The following SEPTIN1 variants were observed in gnomAD, a reference collection of about 807,000 sequenced individuals.
The protein encoded by SEPTIN1 is septin-1.
Under a neutral mutation model 50.7 loss-of-function variants are expected in SEPTIN1, and 52 were observed. That is an observed-to-expected ratio of 1.03 (90% confidence interval 0.82 to 1.29). The LOEUF is 1.29. Ranked by LOEUF, SEPTIN1 falls within the 50% of genes most tolerant of loss-of-function variation. SEPTIN1 has a pLI of 0.00. For synonymous variants in SEPTIN1, 204 were observed against 189.1 expected (o/e 1.08, Z -0.65); for missense variants, 455 against 490.7 (o/e 0.93, Z 0.69).
rs1597002058 is a variant in SEPTIN1 at position 30,378,842 on chromosome 16, T to TGCGGAGAGAG, written c.942-143_942-142insCTCTCTCCGC. 20 of 251,210 alleles carry TGCGGAGAGAG rather than the reference T, an allele frequency of 8.0e-5. No homozygotes were observed. In the East Asian group the frequency reaches 2.1e-3, roughly 26 times the overall value. 15.6% of individuals were successfully genotyped at this position (251,210 alleles called of 1,614,324 possible). Reference sequence around the variant, plus strand: ...AGGTTAGGGCCGGAGGCAAAGCGGGTGGGGAGAGAGGGGGAGAGAGGGAGA... The same window carrying TGCGGAGAGAG: ...AGGTTAGGGCCGGAGGCAAAGCGGGTGCGGAGAGAGGGGGAGAGAGGGGGAGAGAGGGAGA... On this transcript the variant is annotated intron_variant, in intron 9 of 10. Coordinates refer to ENST00000321367, the MANE Select transcript of SEPTIN1 (RefSeq NM_001365977.2).
chr16:30,379,434 C>A lies in SEPTIN1; in HGVS notation c.775+1G>T. The A allele has an allele frequency of 6.2e-7, 1 of 1,613,142 alleles. No homozygotes were observed. Among genetic ancestry groups the A allele is most frequent in the Non-Finnish European group, 8.5e-7 (1 of 1,179,290 alleles). On this transcript the variant is annotated splice_donor_variant, in intron 8 of 10. Coordinates refer to ENST00000321367, the MANE Select transcript of SEPTIN1 (RefSeq NM_001365977.2). LOFTEE classifies it high-confidence loss of function. ...TAGGACCCCTGCCTGGCCTCACTCACCCTCCACGGTCCCCCAGGAGTAGCG... is the reference window on the plus strand; with the variant it reads ...TAGGACCCCTGCCTGGCCTCACTCAACCTCCACGGTCCCCCAGGAGTAGCG...
In SEPTIN1 at chr16:30,381,262, T is replaced by TCA; in HGVS notation, c.456-20_456-19dup. 1 of 1,613,338 alleles carries TCA rather than the reference T, an allele frequency of 6.2e-7. No individual in the cohort carries two copies. Among genetic ancestry groups the TCA allele is most frequent in the Non-Finnish European group, 8.5e-7 (1 of 1,179,502 alleles). On this transcript the variant is annotated intron_variant, in intron 5 of 10. Transcript: ENST00000321367. The surrounding 1 kb of genome is among the most constrained non-coding windows in gnomAD (Gnocchi z 4.3). ...GCCGGAGCCTGCACCCAGGGATTGG[T>TCA]CATTGCCCAGCCTCAGGGGGCAGAG...
rs1246698502 is a variant in SEPTIN1, at chr16:30,378,474, T to G, written c.1079A>C (p.Gln360Pro). ...CTGCTCGCCCTGGGCCTGGCTCTGC[T>G]GCATTTGGGCCTGCATCTTCTCCAG... ...EMLEKMQAQM[Q>P]QSQAQGEQSD... Residue 360 changes from glutamine to proline, a missense_variant, in exon 11 of 11, where the codon CAG becomes CCG. Coordinates refer to ENST00000321367, the MANE Select transcript of SEPTIN1 (RefSeq NM_001365977.2). 6.3e-7 allele frequency: 1 copy of G among 1,575,494 alleles called. No homozygotes were observed. Among genetic ancestry groups the G allele is most frequent in the Admixed American group, 1.9e-5 (1 of 52,290 alleles).
At position 30,381,505 on chromosome 16, in the gene SEPTIN1, A is replaced by G; in HGVS notation, c.321-32T>C. On this transcript the variant is annotated intron_variant, in intron 4 of 10. Coordinates refer to ENST00000321367, the MANE Select transcript of SEPTIN1 (RefSeq NM_001365977.2). The surrounding 1 kb of genome is among the most constrained non-coding windows in gnomAD (Gnocchi z 4.3). ...GTGGGGAGAGGATGTGAGGTCAGAGATCAAAGGCCAGAGGGCAGGGGGCAA... is the reference window on the plus strand; with the variant it reads ...GTGGGGAGAGGATGTGAGGTCAGAGGTCAAAGGCCAGAGGGCAGGGGGCAA... 6.2e-7 allele frequency: 1 copy of G among 1,613,136 alleles called. No homozygotes were observed. Among genetic ancestry groups the G allele is most frequent in the Non-Finnish European group, 8.5e-7 (1 of 1,179,538 alleles).
In SEPTIN1 at chr16:30,378,602, G is replaced by C; in HGVS notation, c.1032+8C>G. 1 of 1,611,504 alleles carries C rather than the reference G, an allele frequency of 6.2e-7. No individual in the cohort carries two copies. On this transcript the variant is annotated splice_region_variant and intron_variant, in intron 10 of 10. Coordinates refer to ENST00000321367, the MANE Select transcript of SEPTIN1 (RefSeq NM_001365977.2). Reference sequence around the variant, plus strand: ...CATCGGTCGGGGGGAAGCGAGGTGCGTGCTCACCTCTTCGTCTTTCTCGCG... The same window carrying C: ...CATCGGTCGGGGGGAAGCGAGGTGCCTGCTCACCTCTTCGTCTTTCTCGCG...
intron 10 of SEPTIN1, 42 bp downstream of exon 10, chr16:30,378,568 G>C (rs1032914191): frequency 1.9e-6 from 3 of 1,608,486 alleles, no homozygotes; most frequent in Non-Finnish European, 2.5e-6. Context: ...GCCAGAGGGG[G>C]ACCTGGGGCA....
rs1364219321 is a variant in SEPTIN1 at position 30,381,087 on chromosome 16, G to A, written c.573+40C>T. ...GAAGTCTAAGCTGAAATCAGGTTTG[G>A]CTTCACATGGGGTCAAAGGTCAGAG... On this transcript the variant is annotated intron_variant, in intron 6 of 10. Transcript: ENST00000321367. This position sits in a 1 kb window ranked among gnomAD's most constrained non-coding sequence, Gnocchi z 4.3. 3.4e-6 allele frequency: 5 copies of A among 1,486,136 alleles called. No individual in the cohort carries two copies. Among genetic ancestry groups the A allele is most frequent in the Non-Finnish European group, 4.7e-6 (5 of 1,063,016 alleles). The allele number at this position is 1,486,136 out of a possible 1,614,324, so 92.1% of individuals were successfully genotyped here. A position where few individuals can be genotyped will look rare whatever the true frequency, so the allele number is the denominator to read the frequency against.
chr16:30,381,638 A>G lies in SEPTIN1; in HGVS notation c.320+122T>C. On this transcript the variant is annotated intron_variant, in intron 4 of 10. Transcript: ENST00000321367. This position sits in a 1 kb window ranked among gnomAD's most constrained non-coding sequence, Gnocchi z 4.3. Reference sequence around the variant, plus strand: ...GAGTCATCAAGAAGCACAGGGACCCAGTGGCCCTCTGAAACAGACACCACC... The same window carrying G: ...GAGTCATCAAGAAGCACAGGGACCCGGTGGCCCTCTGAAACAGACACCACC... The G allele has an allele frequency of 6.7e-7, 1 of 1,501,052 alleles. No individual in the cohort carries two copies. The highest frequency in any genetic ancestry group is 9.1e-7 in the Non-Finnish European group (1 of 1,104,788). The allele number at this position is 1,501,052 out of a possible 1,614,324, so 93.0% of individuals were successfully genotyped here.
rs760839269 is a variant in SEPTIN1 at position 30,379,195 on chromosome 16, G to A, written c.776-12C>T. ...ATGTGGGTTCTCCACTGGAGGGGGG[G>A]CGGCGCGGACCAGCGAACGTCAGGG... On this transcript the variant is annotated splice_polypyrimidine_tract_variant and intron_variant, in intron 8 of 10. Coordinates refer to ENST00000321367, the MANE Select transcript of SEPTIN1 (RefSeq NM_001365977.2). The A allele has an allele frequency of 2.5e-6, 4 of 1,613,636 alleles. No individual in the cohort carries two copies. In the East Asian group the frequency reaches 8.9e-5, roughly 36 times the overall value.
In SEPTIN1 at chr16:30,380,082, G is replaced by T; in HGVS notation, c.574-49C>A. 3.4e-6 allele frequency: 5 copies of T among 1,469,202 alleles called. No homozygotes were observed. In the South Asian group the frequency reaches 6.2e-5, roughly 18 times the overall value. The allele number at this position is 1,469,202 out of a possible 1,614,324, so 91.0% of individuals were successfully genotyped here. A position where few individuals can be genotyped will look rare whatever the true frequency, so the allele number is the denominator to read the frequency against. Reference sequence around the variant, plus strand: ...CAGTGTGAAACGGGCCACAATGACAGACATTTCATGACCAGAGACAGTGAG... The same window carrying T: ...CAGTGTGAAACGGGCCACAATGACATACATTTCATGACCAGAGACAGTGAG... On this transcript the variant is annotated intron_variant, in intron 6 of 10. Transcript: ENST00000321367.
chr16:30,378,858 G>GAGAGGGAGAGGGGGAT (rs1405782232), intron 9 of SEPTIN1, among the ~76,000 whole-genome samples, 158 bp from the exon 10 acceptor site: 1 of 140,452 alleles, frequency 7.1e-6, no homozygotes, highest in Non-Finnish European at 1.6e-5. Context: ...GAGAGGGGGA[G>GAGAGGGAGAGGGGGAT]AGAGGGAGAG....
At chr16:30,382,708 C>G, upstream of SEPTIN1, 1 of 1,534,524 alleles carries the variant, frequency 6.5e-7, no homozygotes, top group Non-Finnish European at 8.7e-7. The surrounding 1 kb of genome is among the most constrained non-coding windows in gnomAD (Gnocchi z 4.8). Flanking sequence ...CCTCCTGGAC[C>G]CCTTTGCCCA....
In SEPTIN1 at chr16:30,381,255, G is replaced by C. The variant is rs1300195581; in HGVS notation, c.456-11C>G. 4 of 1,613,652 alleles carry C rather than the reference G, an allele frequency of 2.5e-6. No homozygotes were observed. In the South Asian group the frequency reaches 4.4e-5, roughly 18 times the overall value. ...TCTAGGGGCCGGAGCCTGCACCCAG[G>C]GATTGGTCATTGCCCAGCCTCAGGG... On this transcript the variant is annotated splice_polypyrimidine_tract_variant and intron_variant, in intron 5 of 10. Transcript: ENST00000321367. This position sits in a 1 kb window ranked among gnomAD's most constrained non-coding sequence, Gnocchi z 4.3.
chr16:30,378,802 G>T (rs1418348603), intron 9 of SEPTIN1, 102 bp from the exon 10 acceptor site: 1 of 1,204,944 alleles, frequency 8.3e-7, no homozygotes. Context: ...TCTAGGAGGC[G>T]GAGCCAGTTC....
Position 30,378,707 on chromosome 16 carries a change from G to A in SEPTIN1, c.942-7C>T, listed in dbSNP as rs1567422507. 3.1e-6 allele frequency: 5 copies of A among 1,605,940 alleles called. No individual in the cohort carries two copies. The highest frequency in any genetic ancestry group is 4.2e-6 in the Non-Finnish European group (5 of 1,179,508). ...GCTCTGGCGGGAAAGCTTACTGCGG[G>A]ACAGTGGGAAGGGGACAGGAATCAG... On this transcript the variant is annotated splice_region_variant and splice_polypyrimidine_tract_variant and intron_variant, in intron 9 of 10. Coordinates refer to ENST00000321367, the MANE Select transcript of SEPTIN1 (RefSeq NM_001365977.2).
chr16:30,379,247 G>C lies in SEPTIN1; in HGVS notation c.776-64C>G. ...GTTTCGGGTCCAACCCACCCGTAAG[G>C]GTCGGGTCTACAGGAAAGTCCTGCT... On this transcript the variant is annotated intron_variant, in intron 8 of 10. Coordinates refer to ENST00000321367, the MANE Select transcript of SEPTIN1 (RefSeq NM_001365977.2). 1.9e-6 allele frequency: 3 copies of C among 1,593,242 alleles called. No homozygotes were observed. In the Admixed American group the frequency reaches 5.1e-5, roughly 27 times the overall value.
chr16:30,379,064 G>A lies in SEPTIN1; in HGVS notation c.895C>T (p.Leu299=). 3 of 1,613,986 alleles carry A rather than the reference G, an allele frequency of 1.9e-6. No individual in the cohort carries two copies. Among genetic ancestry groups the A allele is most frequent in the Non-Finnish European group, 1.7e-6 (2 of 1,179,982 alleles). Residue 299 remains leucine (L), a synonymous_variant, in exon 9 of 11, where the codon CTA becomes TTA. Transcript: ENST00000321367. ...GCCCCAGGCCGGGCCAGGCTCTGTA[G>A]GCAGCGGGCCCGGTAGCCCTCGTAG... ...LLYEGYRARC[L]QSLARPGARD...
Position 30,382,330 on chromosome 16 carries a change from G to C in SEPTIN1, c.54C>G (p.Asn18Lys). 6 of 1,613,736 alleles carry C rather than the reference G, an allele frequency of 3.7e-6. No individual in the cohort carries two copies. Among genetic ancestry groups the C allele is most frequent in the Non-Finnish European group, 5.1e-6 (6 of 1,179,776 alleles). ...KEYVGFAALP[N>K]QLHRKSVKKG... Reference sequence around the variant, plus strand: ...TCTTGACAGACTTGCGGTGCAGCTGGTTGGGGAGGGCAGCAAAACCCACGT... The same window carrying C: ...TCTTGACAGACTTGCGGTGCAGCTGCTTGGGGAGGGCAGCAAAACCCACGT... Residue 18 changes from asparagine to lysine, a missense_variant, in exon 2 of 11, where the codon AAC (asparagine) becomes AAG (lysine). Physicochemically the swap from Asn to Lys is moderately conservative, Grantham distance 94. Coordinates refer to ENST00000321367, the MANE Select transcript of SEPTIN1 (RefSeq NM_001365977.2). The surrounding 1 kb of genome is among the most constrained non-coding windows in gnomAD (Gnocchi z 4.8).
At chr16:30,378,576 G>C in intron 10 of SEPTIN1, 34 bp downstream of exon 10, 2 of 1,609,188 alleles carry the variant, frequency 1.2e-6, no homozygotes, top group South Asian at 2.2e-5. Flanking sequence ...GGGACCTGGG[G>C]CATCGGTCGG....
Sources: allele counts gnomAD v4.1 joint callset (sites outside exome capture counted in the v4.1 genomes callset), GRCh38; gene constraint gnomAD v4.1.1; non-coding constraint Gnocchi (gnomAD v3.1); transcripts MANE v1.5; gene names NCBI Gene and HGNC (gene_info 2026-07-23, HGNC 2026-07-21).